The following NOXRED1 variants were observed in gnomAD, a reference collection of about 807,000 sequenced individuals.
The protein encoded by NOXRED1 is NADP dependent oxidoreductase domain containing 1.
Under a neutral mutation model 30.4 loss-of-function variants are expected in NOXRED1, and 20 were observed. The ratio of observed to expected loss-of-function variants is 0.66; its 90% CI spans 0.46 to 0.96. NOXRED1 has a LOEUF of 0.96. NOXRED1 is among the 40% of genes least tolerant of loss of function. The pLI, the probability that NOXRED1 is intolerant of heterozygous loss-of-function variation, is 0.00. For missense variants in NOXRED1, 374 were observed against 428.0 expected, an observed-to-expected ratio of 0.87 and a Z score of 1.11; for synonymous variants, 155 against 168.0, an observed-to-expected ratio of 0.92 and a Z score of 0.60.
chr14:77,422,092 A>G (rs1382138386), intron 1 of NOXRED1, among the ~76,000 whole-genome samples: 2 of 152,370 alleles, frequency 1.3e-5, no homozygotes, highest in East Asian at 1.9e-4. Context: ...ATCTAACTTC[A>G]GAGAAAAACT....
At position 77,406,047 on chromosome 14, in the gene NOXRED1, T is replaced by C. The variant is rs1243775082; in HGVS notation, c.771A>G (p.Gln257=). The change falls in exon 5 of 6, where the codon CAA becomes CAG. Residue 257 remains glutamine, a synonymous_variant. Transcript: ENST00000380835. ...ICTARNMAHS[Q]VLQLLSELFL... ...AGAGTTCACTCAGAAGCTGCAGCAC[T>C]TGGGAGTGGGCCATGTTTCTTGCTG... 6.2e-7 allele frequency: 1 copy of C among 1,613,920 alleles called. No homozygotes were observed. The highest frequency in any genetic ancestry group is 8.5e-7 in the Non-Finnish European group (1 of 1,179,834).
At chr14:77,395,112 T>TC (rs564359031) in intron 5 of NOXRED1, among the ~76,000 whole-genome samples, 16 of 149,896 alleles carry the variant, frequency 1.1e-4, no homozygotes, top group African/African-American at 3.7e-4. Context: ...TTTCTTTCTT[T>TC]TTTTTTTTTT....
intron 1 of NOXRED1, among the ~76,000 whole-genome samples, chr14:77,421,950 G>A (rs138616066): frequency 2.6e-5 from 4 of 151,952 alleles, no homozygotes; most frequent in African/African-American, 9.6e-5. Context: ...GTCATATTGA[G>A]TACCACCAAT....
intron 1 of NOXRED1, among the ~76,000 whole-genome samples, chr14:77,421,407 T>C (rs1350994427): frequency 6.6e-6 from 1 of 152,222 alleles, no homozygotes; most frequent in East Asian, 1.9e-4. Context: ...GATGTCAATT[T>C]TTATTGCTAT....
At chr14:77,416,967 G>C (rs1894845414) in intron 1 of NOXRED1, among the ~76,000 whole-genome samples, 1 of 152,160 alleles carries the variant, frequency 6.6e-6, no homozygotes, top group Non-Finnish European at 1.5e-5. Flanking sequence ...TACTGCTTTT[G>C]TTGCAACCCA....
At chr14:77,397,910 C>T (rs1270952887) in intron 5 of NOXRED1, among the ~76,000 whole-genome samples, 1 of 151,532 alleles carries the variant, frequency 6.6e-6, no homozygotes, top group East Asian at 1.9e-4. Flanking sequence ...TACTTGAATT[C>T]CAGTTTCTGG....
At chr14:77,411,633 G>C (rs996624198) in intron 2 of NOXRED1, among the ~76,000 whole-genome samples, 2 of 152,146 alleles carry the variant, frequency 1.3e-5, no homozygotes, top group Non-Finnish European at 2.9e-5. Context: ...TTGGTTTCAT[G>C]GGTGGAGAGC....
At chr14:77,406,967 ACT>A (rs1275984140) in intron 3 of NOXRED1, 92 bp from the exon 4 acceptor site, 1 of 1,082,376 alleles carries the variant, frequency 9.2e-7, no homozygotes, top group African/African-American at 1.6e-5. Context: ...CCATCAACAG[ACT>A]CCCCCACACA....
chr14:77,419,674 T>C (rs1245238815), intron 1 of NOXRED1, among the ~76,000 whole-genome samples: 1 of 151,278 alleles, frequency 6.6e-6, no homozygotes, highest in Non-Finnish European at 1.5e-5. Flanking sequence ...GGTCTCGATG[T>C]CCTGACATCG....
intron 2 of NOXRED1, 55 bp downstream of exon 2, chr14:77,413,876 TTTG>T: frequency 7.9e-7 from 1 of 1,268,198 alleles, no homozygotes; most frequent in Non-Finnish European, 1.1e-6. Context: ...TCAAAATGGC[TTTG>T]TTGACACCTA....
intron 5 of NOXRED1, among the ~76,000 whole-genome samples, chr14:77,400,061 GAA>G (rs998820740): frequency 6.6e-6 from 1 of 152,074 alleles, no homozygotes; most frequent in African/African-American, 2.4e-5. Context: ...AGAGTGCAGT[GAA>G]ATATTTAAAG....
intron 1 of NOXRED1, among the ~76,000 whole-genome samples, chr14:77,418,729 A>C (rs1594881821): frequency 3.3e-5 from 5 of 150,956 alleles, no homozygotes; most frequent in Admixed American, 3.3e-4. Flanking sequence ...TTGTCTCCCT[A>C]TGTTGCCCAG....
In NOXRED1 at chr14:77,394,801, A is replaced by G. The variant is rs1391098079; in HGVS notation, c.910T>C (p.Phe304Leu). The change falls in exon 6 of 6, where the codon TTC becomes CTC. Residue 304 changes from phenylalanine to leucine, a missense_variant. Phe to Leu is a conservative substitution (Grantham distance 22). Transcript: ENST00000380835. ...ACAGCAGTCAGATCAAACCAGGGGAAAGGCCTGAGGTGAAAAAAATATTGT... is the reference window on the plus strand; with the variant it reads ...ACAGCAGTCAGATCAAACCAGGGGAGAGGCCTGAGGTGAAAAAAATATTGT... ...YGKNLSQERP[F>L]PWFDLTAVQL... 4 of 1,607,978 alleles carry G rather than the reference A, an allele frequency of 2.5e-6. No individual in the cohort carries two copies. In the African/African-American group the frequency reaches 5.3e-5, roughly 21 times the overall value.
rs543991068 is a variant in NOXRED1, at chr14:77,415,631, T to TAGACAGACAGAC, written c.156-1516_156-1505dup. On this transcript the variant is annotated intron_variant, in intron 1 of 5. Transcript: ENST00000380835. ...ATAGATAGATAGATAGATAGATAGA[T>TAGACAGACAGAC]AGACAGACAGACAGACATATAGATA... 4.1e-3 allele frequency among the ~76,000 whole-genome samples: 580 copies of TAGACAGACAGAC among 141,378 alleles called. 13 individuals are homozygous for TAGACAGACAGAC. Among genetic ancestry groups the TAGACAGACAGAC allele is most frequent in the Middle Eastern group, 0.025 (7 of 282 alleles). 92.7% of individuals were successfully genotyped at this position (141,378 alleles called of 152,430 possible). A position where few individuals can be genotyped will look rare whatever the true frequency, so the allele number is the denominator to read the frequency against.
intron 5 of NOXRED1, among the ~76,000 whole-genome samples, chr14:77,398,039 C>T (rs1222222149): frequency 6.6e-6 from 1 of 152,204 alleles, no homozygotes; most frequent in Non-Finnish European, 1.5e-5. Context: ...GCAAACTACT[C>T]TCCCTAAGAC....
rs766358132 is a variant in NOXRED1, at chr14:77,406,857, G to T, written c.549C>A (p.Asn183Lys). 1.9e-6 allele frequency: 3 copies of T among 1,613,940 alleles called. No homozygotes were observed. The highest frequency in any genetic ancestry group is 4.5e-5 in the East Asian group (2 of 44,874). ...ACTGAGGCCGCAAGATATTGGTGTG[G>T]TTCAACAGTAGTTTCAGCCTGGAAG... ...IPLPRLKLLL[N>K]HTNILRPQYQ... Residue 183 changes from asparagine (N) to lysine (K), a missense_variant, in exon 4 of 6, where the codon AAC becomes AAA. Asn to Lys is a moderately conservative substitution (Grantham distance 94). Transcript: ENST00000380835.
intron 2 of NOXRED1, among the ~76,000 whole-genome samples, chr14:77,410,478 G>A (rs571052539): frequency 6.6e-6 from 1 of 152,040 alleles, no homozygotes; most frequent in Admixed American, 6.6e-5. Context: ...GCATGGTGGT[G>A]TGTGCCTGTA....
chr14:77,396,914 G>T (rs1555362288), intron 5 of NOXRED1, among the ~76,000 whole-genome samples: 2 of 152,204 alleles, frequency 1.3e-5, no homozygotes, highest in African/African-American at 2.4e-5. Context: ...CCAGTTGCTG[G>T]TGAGGATGCA....
At chr14:77,412,419 C>T (rs1178461757) in intron 2 of NOXRED1, among the ~76,000 whole-genome samples, 1 of 152,162 alleles carries the variant, frequency 6.6e-6, no homozygotes, top group Non-Finnish European at 1.5e-5. Flanking sequence ...GTACAGCAAG[C>T]ACACCCTGCT....
Sources: gnomAD v4.1 joint callset for allele counts (sites outside exome capture counted in the v4.1 genomes callset) on GRCh38, gnomAD v4.1.1 for gene constraint, MANE v1.5 for transcripts, NCBI Gene and HGNC (gene_info 2026-07-23, HGNC 2026-07-21) for gene names.